The following TSHZ3 variants were observed in gnomAD, a reference collection of about 807,000 sequenced individuals.
TSHZ3 encodes the protein teashirt homolog 3.
A neutral mutation model predicts 64.5 loss-of-function variants in TSHZ3; 10 were observed. The ratio of observed to expected loss-of-function variants is 0.16; its 90% CI spans 0.10 to 0.26. The LOEUF (loss-of-function observed/expected upper bound fraction) is 0.26, where lower values mean the gene tolerates loss of function less well. TSHZ3 is among the 10% of genes least tolerant of loss of function. The pLI, the probability that TSHZ3 is intolerant of heterozygous loss-of-function variation, is 1.00. For synonymous variants in TSHZ3, 608 were observed against 593.1 expected, an observed-to-expected ratio of 1.03 and a Z score of -0.36; for missense variants, 1,242 against 1,421.7, an observed-to-expected ratio of 0.87 and a Z score of 2.03.
At chr19:31,259,220 T>G (rs1326180805) in intron 1 of TSHZ3, among the ~76,000 whole-genome samples, 1 of 152,238 alleles carries the variant, frequency 6.6e-6, no homozygotes, top group Admixed American at 6.5e-5. Context: ...GGAAGAGTGA[T>G]TTCCATAAAA....
At chr19:31,172,619 CAATA>C (rs1217551244) in intron 5 of TSHZ3, among the ~76,000 whole-genome samples, 2 of 152,122 alleles carry the variant, frequency 1.3e-5, no homozygotes, top group African/African-American at 4.8e-5. Context: ...GAAAGACAAA[CAATA>C]AATAAAAAGC....
At chr19:31,299,526 G>C (rs530668579) in intron 1 of TSHZ3, among the ~76,000 whole-genome samples, 1 of 152,306 alleles carries the variant, frequency 6.6e-6, no homozygotes, top group South Asian at 2.1e-4. Flanking sequence ...AATACAAATA[G>C]AAGGGCCGCT....
At chr19:31,185,875 A>T (rs1043046440) in intron 5 of TSHZ3, among the ~76,000 whole-genome samples, 11 of 152,100 alleles carry the variant, frequency 7.2e-5, no homozygotes, top group African/African-American at 2.4e-4. Context: ...TCCATTTCTA[A>T]CTATAAATTA....
intron 1 of TSHZ3, among the ~76,000 whole-genome samples, chr19:31,252,464 C>T (rs1975855844): frequency 6.6e-6 from 1 of 152,184 alleles, no homozygotes; most frequent in Admixed American, 6.5e-5. Context: ...ATGTCCCTAA[C>T]CAAATCTCAT....
chr19:31,292,126 C>G (rs1161225633), intron 1 of TSHZ3, among the ~76,000 whole-genome samples: 4 of 152,162 alleles, frequency 2.6e-5, no homozygotes, highest in African/African-American at 9.7e-5. Flanking sequence ...CTACAAAAGC[C>G]ATGAGGTAAA....
intron 5 of TSHZ3, among the ~76,000 whole-genome samples, chr19:31,157,463 A>G (rs905354384): frequency 4.6e-5 from 7 of 152,328 alleles, no homozygotes; most frequent in East Asian, 1.9e-4. Flanking sequence ...AATAGATACT[A>G]TAAGATCCAC....
intron 5 of TSHZ3, among the ~76,000 whole-genome samples, chr19:31,192,675 A>G (rs1192089688): frequency 2.0e-5 from 3 of 152,162 alleles, no homozygotes; most frequent in Non-Finnish European, 4.4e-5. Context: ...TTTGCATTAC[A>G]GTGTAATATT....
At chr19:31,182,404 G>C (rs967044862) in intron 5 of TSHZ3, among the ~76,000 whole-genome samples, 2 of 152,154 alleles carry the variant, frequency 1.3e-5, no homozygotes, top group Non-Finnish European at 2.9e-5. Context: ...GTCTGCCTAG[G>C]GGATAGTGGA....
intron 5 of TSHZ3, among the ~76,000 whole-genome samples, chr19:31,157,035 A>G (rs1225541145): frequency 6.6e-6 from 1 of 152,154 alleles, no homozygotes; most frequent in African/African-American, 2.4e-5. Context: ...AATTGATACA[A>G]CCATTCCAGA....
At chr19:31,253,700 A>C (rs1369992634) in intron 1 of TSHZ3, among the ~76,000 whole-genome samples, 1 of 152,088 alleles carries the variant, frequency 6.6e-6, no homozygotes, top group East Asian at 1.9e-4. Flanking sequence ...TAGTCTGTGC[A>C]TGCATGGGTA....
upstream of TSHZ3, among the ~76,000 whole-genome samples, chr19:31,350,100 G>A (rs983354724): frequency 2.2e-5 from 1 of 45,906 alleles, no homozygotes; most frequent in African/African-American, 8.3e-5. Context: ...TGCCCCACCC[G>A]GCTCGCACTC....
At chr19:31,270,846 AG>A (rs531180794), downstream of TSHZ3, among the ~76,000 whole-genome samples, 2 of 152,370 alleles carry the variant, frequency 1.3e-5, no homozygotes, top group East Asian at 3.8e-4. Flanking sequence ...TCTCTGGAAA[AG>A]GATCACCTTT....
At chr19:31,336,133 A>G (rs2145189308) in intron 1 of TSHZ3, among the ~76,000 whole-genome samples, 1 of 152,342 alleles carries the variant, frequency 6.6e-6, no homozygotes, top group Non-Finnish European at 1.5e-5. Context: ...CCAAAAATAA[A>G]AGAGTAGATC....
At chr19:31,181,133 T>C (rs1351357483) in intron 5 of TSHZ3, among the ~76,000 whole-genome samples, 1 of 151,900 alleles carries the variant, frequency 6.6e-6, no homozygotes, top group African/African-American at 2.4e-5. Context: ...GTAGCAGAGA[T>C]TTAGATCCAC....
At chr19:31,172,398 A>G (rs1209321210) in intron 5 of TSHZ3, among the ~76,000 whole-genome samples, 1 of 152,304 alleles carries the variant, frequency 6.6e-6, no homozygotes, top group East Asian at 1.9e-4. Context: ...TTCAATAGTC[A>G]TGGTGGTGGC....
At chr19:31,334,061 C>G (rs935781160) in intron 1 of TSHZ3, among the ~76,000 whole-genome samples, 1 of 152,160 alleles carries the variant, frequency 6.6e-6, no homozygotes, top group African/African-American at 2.4e-5. Flanking sequence ...GCTCTAAGAA[C>G]CAAGAACATG....
At chr19:31,216,760 G>T (rs1392170321) in intron 4 of TSHZ3, among the ~76,000 whole-genome samples, 1 of 152,018 alleles carries the variant, frequency 6.6e-6, no homozygotes, top group Non-Finnish European at 1.5e-5. Context: ...CCTCTCTCCC[G>T]AGTAGCTGGG....
At chr19:31,246,713 T>G (rs2145188295) in intron 1 of TSHZ3, among the ~76,000 whole-genome samples, 1 of 152,220 alleles carries the variant, frequency 6.6e-6, no homozygotes, top group Non-Finnish European at 1.5e-5. Context: ...GCAATGGAAC[T>G]CCAATAGCAA....
intron 5 of TSHZ3, among the ~76,000 whole-genome samples, chr19:31,196,985 T>C (rs1975002525): frequency 6.6e-6 from 1 of 151,974 alleles, no homozygotes. Context: ...ATAGACAGCT[T>C]CATTTAGCAA....
Sources: allele counts gnomAD v4.1 joint callset (sites outside exome capture counted in the v4.1 genomes callset), GRCh38; gene constraint gnomAD v4.1.1; transcripts MANE v1.5; gene names NCBI Gene and HGNC (gene_info 2026-07-23, HGNC 2026-07-21).